The following PDE1C variants were observed in gnomAD, a reference collection of about 807,000 sequenced individuals.
The protein encoded by PDE1C is phosphodiesterase 1C.
A neutral mutation model predicts 93.1 loss-of-function variants in PDE1C; 62 were observed. The ratio of observed to expected loss-of-function variants is 0.67; its 90% CI spans 0.54 to 0.82. The LOEUF (loss-of-function observed/expected upper bound fraction) is 0.82, where lower values mean the gene tolerates loss of function less well. PDE1C is among the 40% of genes least tolerant of loss of function. PDE1C has a pLI of 0.00. For missense variants in PDE1C, 742 were observed against 884.6 expected (o/e 0.84, Z 2.04); for synonymous variants, 325 against 310.1 (o/e 1.05, Z -0.50).
intron 17 of PDE1C, among the ~76,000 whole-genome samples, chr7:31,761,850 G>A (rs531954930): frequency 6.6e-6 from 1 of 152,302 alleles, no homozygotes; most frequent in South Asian, 2.1e-4. Flanking sequence ...AAGCTGGCCA[G>A]ATTCAGTTCT....
intron 7 of PDE1C, among the ~76,000 whole-genome samples, chr7:31,851,693 T>C (rs2128804088): frequency 6.6e-6 from 1 of 152,354 alleles, no homozygotes; most frequent in East Asian, 1.9e-4. Flanking sequence ...TTTAATAAAT[T>C]GTATTTGTTA....
chr7:31,741,953 G>C, the PDE1C span, among the ~76,000 whole-genome samples: 3 of 152,186 alleles, frequency 2.0e-5, no homozygotes, highest in African/African-American at 7.2e-5. Flanking sequence ...TTGTTTGCTA[G>C]CTATTTGCTC....
At chr7:31,801,430 GTCTA>G (rs1786022053) in intron 16 of PDE1C, among the ~76,000 whole-genome samples, 1 of 151,336 alleles carries the variant, frequency 6.6e-6, no homozygotes, top group Non-Finnish European at 1.5e-5. Context: ...CCAGAATATA[GTCTA>G]TCTTTTTAAA....
upstream of PDE1C, among the ~76,000 whole-genome samples, chr7:32,301,575 C>T (rs993467867): frequency 6.6e-6 from 1 of 152,220 alleles, no homozygotes; most frequent in African/African-American, 2.4e-5. Context: ...TACAGAACTA[C>T]TAAAACGCAC....
At chr7:31,690,558 T>A in the PDE1C span, among the ~76,000 whole-genome samples, 1 of 152,226 alleles carries the variant, frequency 6.6e-6, no homozygotes, top group East Asian at 1.9e-4. Flanking sequence ...TCTTTAAGAT[T>A]TAGCAACTTC....
At chr7:32,155,774 G>A (rs546001451) in intron 3 of PDE1C, among the ~76,000 whole-genome samples, 4 of 152,326 alleles carry the variant, frequency 2.6e-5, no homozygotes, top group African/African-American at 9.6e-5. Flanking sequence ...TGAAGAAACT[G>A]AGGCTCAGCT....
chr7:32,354,110 T>A (rs1017032704), intron 1 of PDE1C, among the ~76,000 whole-genome samples: 1 of 152,226 alleles, frequency 6.6e-6, no homozygotes, highest in Non-Finnish European at 1.5e-5. Context: ...ATGATTCTTG[T>A]AGAGTCTTAG....
rs34163039 is a variant in PDE1C, at chr7:31,836,945, CT to C, written c.1203+234del. Among the ~76,000 whole-genome samples, 75,676 of 151,880 alleles carry C rather than the reference CT, an allele frequency of 0.5. 21,253 individuals carry two copies. The highest frequency in any genetic ancestry group is 0.61 in the Non-Finnish European group (41,719 of 67,930). ...GACAAAAGACTGCTACAAGGAAATA[CT>C]TTTTTTCCCCCAAACAGAAATGCAT... On this transcript the variant is annotated intron_variant, in intron 11 of 17. Transcript: ENST00000396191.
At chr7:31,695,941 C>T in the PDE1C span, 1 of 179,094 alleles carries the variant, frequency 5.6e-6, no homozygotes, top group African/African-American at 2.4e-5. Context: ...ACATGGTGAG[C>T]AAAGTCACCA....
At chr7:32,247,591 GC>G (rs1262867986) in intron 1 of PDE1C, among the ~76,000 whole-genome samples, 1 of 152,162 alleles carries the variant, frequency 6.6e-6, no homozygotes, top group Non-Finnish European at 1.5e-5. Flanking sequence ...ATTTTTCAAT[GC>G]TGCAAAAGTG....
intron 1 of PDE1C, among the ~76,000 whole-genome samples, chr7:32,334,282 T>C (rs778970563): frequency 6.6e-6 from 1 of 152,214 alleles, no homozygotes. Context: ...TGGATTAATA[T>C]GTCCTTTAAA....
At chr7:31,765,722 C>T (rs1795101349) in intron 17 of PDE1C, among the ~76,000 whole-genome samples, 1 of 152,190 alleles carries the variant, frequency 6.6e-6, no homozygotes, top group East Asian at 1.9e-4. Flanking sequence ...AGAGAGAACA[C>T]TTACCAGAGT....
chr7:31,852,765 G>C (rs1281537263), intron 7 of PDE1C, among the ~76,000 whole-genome samples: 1 of 151,994 alleles, frequency 6.6e-6, no homozygotes, highest in Non-Finnish European at 1.5e-5. Context: ...CATTGTTCAT[G>C]TGTTTATTCA....
chr7:31,888,739 T>C (rs1328775570), intron 2 of PDE1C, among the ~76,000 whole-genome samples: 1 of 152,112 alleles, frequency 6.6e-6, no homozygotes, highest in Non-Finnish European at 1.5e-5. Context: ...ATCTACTGAA[T>C]ATTGTATGGG....
At chr7:31,838,112 C>T in intron 9 of PDE1C, 141 bp from the exon 10 acceptor site, 5 of 634,456 alleles carry the variant, frequency 7.9e-6, no homozygotes, top group Non-Finnish European at 1.4e-5. Context: ...TTAAGGTGAG[C>T]TTTTCAAATA....
chr7:31,982,523 A>C (rs1488612992), intron 2 of PDE1C, among the ~76,000 whole-genome samples: 1 of 152,190 alleles, frequency 6.6e-6, no homozygotes, highest in Non-Finnish European at 1.5e-5. Context: ...CTAATAGGGA[A>C]GGTTCTATGA....
chr7:31,620,891 C>A, the PDE1C span, among the ~76,000 whole-genome samples: 3 of 151,974 alleles, frequency 2.0e-5, no homozygotes, highest in African/African-American at 7.2e-5. Flanking sequence ...ACTAGAATAA[C>A]CAATACAGAG....
rs1794261251 is a variant in PDE1C at position 31,858,237 on chromosome 7, G to T, written c.750+6705C>A. On this transcript the variant is annotated intron_variant, in intron 7 of 17. Transcript: ENST00000396191. ...GGATTAGACTTTCTGGCCCCTTTATGGTTGGGAGGGACTGTGTGAGTCATT... is the reference window on the plus strand; with the variant it reads ...GGATTAGACTTTCTGGCCCCTTTATTGTTGGGAGGGACTGTGTGAGTCATT... Among the ~76,000 whole-genome samples, 3 of 152,272 alleles carry T rather than the reference G, an allele frequency of 2.0e-5. 1 individual carries two copies. In the South Asian group the frequency reaches 6.2e-4, roughly 32 times the overall value.
intron 1 of PDE1C, among the ~76,000 whole-genome samples, chr7:32,381,445 A>G (rs1474960068): frequency 6.6e-6 from 1 of 151,794 alleles, no homozygotes; most frequent in East Asian, 1.9e-4. Flanking sequence ...CCTTATCGTG[A>G]CTCATCCAGG....
Sources: gnomAD v4.1 joint callset for allele counts (sites outside exome capture counted in the v4.1 genomes callset) on GRCh38, gnomAD v4.1.1 for gene constraint, MANE v1.5 for transcripts, NCBI Gene and HGNC (gene_info 2026-07-23, HGNC 2026-07-21) for gene names.